ZNF578: variants seen among roughly 807,000 people sequenced by gnomAD.
The protein encoded by ZNF578 is zinc finger protein 578.
In ZNF578, 8 loss-of-function variants were observed where a neutral mutation model predicts 8.3. The ratio of observed to expected loss-of-function variants is 0.96; its 90% CI spans 0.56 to 1.74. The LOEUF (loss-of-function observed/expected upper bound fraction) is 1.74. Ranked by LOEUF, ZNF578 falls within the 40% of genes most tolerant of loss-of-function variation. The pLI, the probability that ZNF578 is intolerant of heterozygous loss-of-function variation, is 0.00. For missense variants in ZNF578, 726 were observed against 707.5 expected, an observed-to-expected ratio of 1.03 and a Z score of -0.30; for synonymous variants, 206 against 232.2, an observed-to-expected ratio of 0.89 and a Z score of 1.03.
In ZNF578 at chr19:52,499,689, G is replaced by GTTTTTTTTTTTTTTTTTTTTTTT. The variant is rs66824085; in HGVS notation, c.-19-2125_-19-2124insTTTTTTTTTTTTTTTTTTTTTTT. 5.2e-4 allele frequency among the ~76,000 whole-genome samples: 73 copies of GTTTTTTTTTTTTTTTTTTTTTTT among 141,528 alleles called. 5 individuals are homozygous for GTTTTTTTTTTTTTTTTTTTTTTT. Among genetic ancestry groups the GTTTTTTTTTTTTTTTTTTTTTTT allele is most frequent in the African/African-American group, 1.8e-3 (68 of 37,474 alleles). 92.8% of individuals were successfully genotyped at this position (141,528 alleles called of 152,430 possible). ...TGAGAAGATACATCACTTCCAAATC[G>GTTTTTTTTTTTTTTTTTTTTTTT]TTTTTTTTTTTTTGAGATGAATTTT... On this transcript the variant is annotated intron_variant, in intron 3 of 5. Transcript: ENST00000421239.
rs1338642936 is a variant in ZNF578, at chr19:52,512,456, G to C, written c.*302G>C. On this transcript the variant is annotated 3_prime_UTR_variant, in exon 6 of 6. Coordinates refer to ENST00000421239, the MANE Select transcript of ZNF578 (RefSeq NM_001099694.2). ...TGTAATAAATGTGGCAAATTTTTCA[G>C]ACATCGTTCATACCTTGCAGTTCAT... The C allele has an allele frequency of 8.1e-6, 11 of 1,351,486 alleles. No individual in the cohort carries two copies. Among genetic ancestry groups the C allele is most frequent in the Non-Finnish European group, 1.2e-5 (11 of 955,210 alleles). The allele number at this position is 1,351,486 out of a possible 1,614,324, so 83.7% of individuals were successfully genotyped here. A position where few individuals can be genotyped will look rare whatever the true frequency, so the allele number is the denominator to read the frequency against.
chr19:52,486,649 A>G (rs1199431157), intron 2 of ZNF578, among the ~76,000 whole-genome samples: 1 of 152,030 alleles, frequency 6.6e-6, no homozygotes, highest in African/African-American at 2.4e-5. Flanking sequence ...TGCTTGTGTC[A>G]AGGAGAACAG....
rs1461449911 is a variant in ZNF578 at position 52,496,551 on chromosome 19, G to A, written c.-20+5126G>A. ...TCACCATGTTAGCCAGGATGGTCTC[G>A]ATCTCCTGACCTCGTGATCCGCCCG... On this transcript the variant is annotated intron_variant, in intron 3 of 5. Transcript: ENST00000421239. Among the ~76,000 whole-genome samples the A allele has an allele frequency of 1.3e-5, 2 of 148,354 alleles. 1 individual carries two copies. The highest frequency in any genetic ancestry group is 3.0e-5 in the Non-Finnish European group (2 of 67,262).
At chr19:52,459,152 A>G (rs1240882392) in intron 2 of ZNF578, among the ~76,000 whole-genome samples, 2 of 152,154 alleles carry the variant, frequency 1.3e-5, no homozygotes, top group East Asian at 3.9e-4. Context: ...TTGCCTGTTT[A>G]TAGTTCAGTA....
At chr19:52,510,397 A>G (rs1290904904) in intron 5 of ZNF578, among the ~76,000 whole-genome samples, 175 bp from the exon 6 acceptor site, 1 of 152,154 alleles carries the variant, frequency 6.6e-6, no homozygotes, top group African/African-American at 2.4e-5. Flanking sequence ...GATTTGAAGG[A>G]CATGTAATTG....
Position 52,516,041 on chromosome 19 carries a change from C to T in ZNF578, c.*3887C>T, listed in dbSNP as rs929109740. Reference sequence around the variant, plus strand: ...TCCAGCCTCCTCCTGGCAGCTTGCCCTCATCTCATGACTCCCTCTGCCCCA... The same window carrying T: ...TCCAGCCTCCTCCTGGCAGCTTGCCTTCATCTCATGACTCCCTCTGCCCCA... On this transcript the variant is annotated 3_prime_UTR_variant, in exon 6 of 6. Transcript: ENST00000421239. Among the ~76,000 whole-genome samples the T allele has an allele frequency of 6.6e-6, 1 of 152,132 alleles. No individual in the cohort carries two copies. Among genetic ancestry groups the T allele is most frequent in the Non-Finnish European group, 1.5e-5 (1 of 68,032 alleles).
Position 52,511,333 on chromosome 19 carries a change from A to G in ZNF578, c.952A>G (p.Asn318Asp). Residue 318 changes from asparagine to aspartate, a missense_variant, in exon 6 of 6, where the codon AAT becomes GAT. Asn to Asp is a conservative substitution (Grantham distance 23). Transcript: ENST00000421239. ...CACTGGTGAGAAACCTTACAAGTGT[A>G]ATGAATGTGGAAAGTCCTTCAGTTA... ...CHTGEKPYKC[N>D]ECGKSFSYKS... is the part of the protein sequence containing the mutation. 6.2e-7 allele frequency: 1 copy of G among 1,614,122 alleles called. No homozygotes were observed. Among genetic ancestry groups the G allele is most frequent in the South Asian group, 1.1e-5 (1 of 91,086 alleles).
rs112752292 is a variant in ZNF578 at position 52,471,266 on chromosome 19, G to C, written c.-122+14308G>C. ...CTAATACAAGGCTGTAATACTGTTGGCTTCCCTGGTTCAGAGACTTTTGGA... is the reference window on the plus strand; with the variant it reads ...CTAATACAAGGCTGTAATACTGTTGCCTTCCCTGGTTCAGAGACTTTTGGA... On this transcript the variant is annotated intron_variant, in intron 2 of 5. Transcript: ENST00000421239. Among the ~76,000 whole-genome samples the C allele has an allele frequency of 6.4e-3, 980 of 152,214 alleles. 12 individuals are homozygous for C. Among genetic ancestry groups the C allele is most frequent in the African/African-American group, 0.023 (940 of 41,530 alleles).
At chr19:52,494,857 G>A (rs1203510839) in intron 3 of ZNF578, among the ~76,000 whole-genome samples, 1 of 152,000 alleles carries the variant, frequency 6.6e-6, no homozygotes, top group African/African-American at 2.4e-5. Flanking sequence ...TTTGAGACAG[G>A]GTCTGGCCCT....
intron 4 of ZNF578, among the ~76,000 whole-genome samples, chr19:52,502,690 T>G (rs1394596789): frequency 6.6e-6 from 1 of 152,000 alleles, no homozygotes; most frequent in African/African-American, 2.4e-5. Context: ...TACACTGAAA[T>G]TTTGCCACTG....
intron 5 of ZNF578, among the ~76,000 whole-genome samples, chr19:52,507,892 C>T (rs1227084046): frequency 1.3e-5 from 2 of 151,808 alleles, no homozygotes; most frequent in East Asian, 3.9e-4. Context: ...TCTACTAAAA[C>T]TACAAAATTA....
At chr19:52,484,116 A>G (rs908442938) in intron 2 of ZNF578, among the ~76,000 whole-genome samples, 3 of 152,198 alleles carry the variant, frequency 2.0e-5, no homozygotes, top group South Asian at 2.1e-4. Flanking sequence ...CTTGTGAACA[A>G]ATGTCTCTGC....
intron 3 of ZNF578, among the ~76,000 whole-genome samples, chr19:52,498,750 A>G (rs2059396424): frequency 6.9e-6 from 1 of 144,368 alleles, no homozygotes; most frequent in Non-Finnish European, 1.5e-5. Context: ...CAGTGGAACA[A>G]TCTTGGATCA....
Position 52,496,251 on chromosome 19 carries a change from C to T in ZNF578, c.-20+4826C>T, listed in dbSNP as rs186476844. ...AAGATGGTTCTTGAACTCATGACCT[C>T]GTGATCCACCCTCGTCGGCCTCCCA... On this transcript the variant is annotated intron_variant, in intron 3 of 5. Transcript: ENST00000421239. 3.2e-4 allele frequency among the ~76,000 whole-genome samples: 48 copies of T among 152,106 alleles called. No homozygotes were observed. In the East Asian group the frequency reaches 5.6e-3, roughly 18 times the overall value.
At position 52,462,650 on chromosome 19, in the gene ZNF578, G is replaced by T. The variant is rs139668300; in HGVS notation, c.-122+5692G>T. On this transcript the variant is annotated intron_variant, in intron 2 of 5. Coordinates refer to ENST00000421239, the MANE Select transcript of ZNF578 (RefSeq NM_001099694.2). Reference sequence around the variant, plus strand: ...CTTCTGCAAGCTGGGTCAGCCTCTTGATGTGTCCCAAGTCAGTGGGCTCAC... The same window carrying T: ...CTTCTGCAAGCTGGGTCAGCCTCTTTATGTGTCCCAAGTCAGTGGGCTCAC... Among the ~76,000 whole-genome samples, 10 of 152,310 alleles carry T rather than the reference G, an allele frequency of 6.6e-5. No homozygotes were observed. In the East Asian group the frequency reaches 1.9e-3, roughly 29 times the overall value.
chr19:52,511,712 G>A lies in ZNF578; in HGVS notation c.1331G>A (p.Arg444His), dbSNP rs559140423. 1.5e-5 allele frequency: 25 copies of A among 1,613,308 alleles called. No individual in the cohort carries two copies. Among genetic ancestry groups the A allele is most frequent in the Admixed American group, 6.7e-5 (4 of 59,970 alleles). Residue 444 changes from arginine (R) to histidine (H), a missense_variant, in exon 6 of 6, where the codon CGT becomes CAT. Coordinates refer to ENST00000421239, the MANE Select transcript of ZNF578 (RefSeq NM_001099694.2). The stretch of plus-strand genomic sequence containing the variant: ...TTTATTCATCAGTCAAGCCTTGCAC[G>A]TCATCATAGACTTCATACTGGAGAG... ...KAFIHQSSLA[R>H]HHRLHTGEKS...
chr19:52,493,181 C>T (rs541544007), intron 3 of ZNF578, among the ~76,000 whole-genome samples: 1 of 152,278 alleles, frequency 6.6e-6, no homozygotes, highest in South Asian at 2.1e-4. Context: ...GGATTCCCGC[C>T]CTGGGCGCCT....
intron 2 of ZNF578, among the ~76,000 whole-genome samples, chr19:52,468,595 T>C (rs982072480): frequency 2.0e-5 from 3 of 152,208 alleles, no homozygotes; most frequent in Admixed American, 1.3e-4. Context: ...AGTTGAAGGA[T>C]ATCTAGATGG....
chr19:52,474,884 A>T (rs2059303228), intron 2 of ZNF578: 1 of 205,318 alleles, frequency 4.9e-6, no homozygotes, highest in African/African-American at 2.4e-5. Context: ...CGCATTCATT[A>T]CATTTGTAAG....
Sources: allele counts gnomAD v4.1 joint callset (sites outside exome capture counted in the v4.1 genomes callset), GRCh38; gene constraint gnomAD v4.1.1; transcripts MANE v1.5; gene names NCBI Gene and HGNC (gene_info 2026-07-23, HGNC 2026-07-21).